HTR2B: variants seen among roughly 807,000 people sequenced by gnomAD.
HTR2B encodes the protein 5-HT 2B receptor.
HTR2B carries 31 observed loss-of-function variants against 39.8 expected under a neutral mutation model. The ratio of observed to expected loss-of-function variants is 0.78; its 90% confidence interval spans 0.58 to 1.05. HTR2B has a LOEUF of 1.05. Ranked by LOEUF, HTR2B falls within the 50% of genes least tolerant of loss-of-function variation. The probability of loss-of-function intolerance (pLI) is 0.00; values close to 1 mark genes in which losing one functional copy is unlikely to be tolerated. For missense variants in HTR2B, 562 were observed against 578.0 expected, an observed-to-expected ratio of 0.97 and a Z score of 0.28; for synonymous variants, 210 against 207.1, an observed-to-expected ratio of 1.01 and a Z score of -0.12.
chr2:231,123,327 AAAAGT>A, intron 2 of HTR2B, 81 bp downstream of exon 2: 1 of 998,836 alleles, frequency 1.0e-6, no homozygotes, highest in Non-Finnish European at 1.6e-6. Flanking sequence ...TTATTTCAAG[AAAAGT>A]AAAGATTAAA....
Position 231,109,358 on chromosome 2 carries a change from G to T in HTR2B, c.605C>A (p.Pro202Gln), listed in dbSNP as rs1177241898. The change falls in exon 4 of 4, where the codon CCA becomes CAA. Residue 202 changes from proline to glutamine, a missense_variant. Pro to Gln is a moderately conservative substitution (Grantham distance 76). Coordinates refer to ENST00000258400, the MANE Select transcript of HTR2B (RefSeq NM_000867.5). The stretch of plus-strand genomic sequence containing the variant: ...TGTCAGCACACAAGTGATATTGTTT[G>T]GGTTGTCCACATCAGTCTCTATCCC... ...IKGIETDVDN[P>Q]NNITCVLTKE... 1.2e-6 allele frequency: 2 copies of T among 1,614,052 alleles called. No individual in the cohort carries two copies. The highest frequency in any genetic ancestry group is 1.7e-6 in the Non-Finnish European group (2 of 1,179,962).
chr2:231,113,061 G>C (rs1460244562), intron 3 of HTR2B, among the ~76,000 whole-genome samples: 1 of 152,118 alleles, frequency 6.6e-6, no homozygotes, highest in Non-Finnish European at 1.5e-5. Context: ...CTACCTGGGA[G>C]GCTGAGGTGG....
intron 1 of HTR2B, 67 bp from the exon 2 acceptor site, chr2:231,124,197 T>A (rs1222879899): frequency 1.1e-5 from 2 of 180,000 alleles, no homozygotes; most frequent in African/African-American, 4.8e-5. Flanking sequence ...CACTTGAACT[T>A]CATAGCCCTT....
intron 3 of HTR2B, 100 bp from the exon 4 acceptor site, chr2:231,109,509 G>T: frequency 3.9e-6 from 4 of 1,038,838 alleles, no homozygotes; most frequent in Middle Eastern, 2.1e-4. Context: ...ATGCTTGTTG[G>T]TGCATTATAA....
At chr2:231,122,137 TAGAA>T (rs1695566834) in intron 2 of HTR2B, among the ~76,000 whole-genome samples, 3 of 152,136 alleles carry the variant, frequency 2.0e-5, no homozygotes, top group South Asian at 2.1e-4. Context: ...AACAGGGAGA[TAGAA>T]AGACTGTTAA....
intron 2 of HTR2B, among the ~76,000 whole-genome samples, chr2:231,115,318 A>G (rs1208179918): frequency 6.6e-6 from 1 of 152,168 alleles, no homozygotes; most frequent in Non-Finnish European, 1.5e-5. Context: ...GGCACTTGAC[A>G]AAGTATCCAG....
chr2:231,122,187 C>T (rs935591582), intron 2 of HTR2B, among the ~76,000 whole-genome samples: 2 of 152,110 alleles, frequency 1.3e-5, no homozygotes, highest in African/African-American at 4.8e-5. Context: ...TAGAACTTTA[C>T]TCATTACTGC....
At chr2:231,117,760 C>G (rs932789875) in intron 2 of HTR2B, among the ~76,000 whole-genome samples, 9 of 152,094 alleles carry the variant, frequency 5.9e-5, no homozygotes, top group Non-Finnish European at 1.3e-4. Flanking sequence ...ATCTTGCAGT[C>G]ATCTGAAGGA....
At chr2:231,113,231 A>G (rs1007641489) in intron 3 of HTR2B, among the ~76,000 whole-genome samples, 1 of 152,174 alleles carries the variant, frequency 6.6e-6, no homozygotes, top group African/African-American at 2.4e-5. Flanking sequence ...ATCTGTACAC[A>G]TATGTACAGA....
At chr2:231,115,232 A>G (rs964579704) in intron 2 of HTR2B, among the ~76,000 whole-genome samples, 2 of 152,044 alleles carry the variant, frequency 1.3e-5, no homozygotes, top group Non-Finnish European at 2.9e-5. Flanking sequence ...GTTTTTAGAT[A>G]GATTTGGCTG....
At position 231,108,641 on chromosome 2, in the gene HTR2B, A is replaced by C. The variant is rs1695040557; in HGVS notation, c.1322T>G (p.Met441Arg). The C allele has an allele frequency of 6.2e-7, 1 of 1,614,000 alleles. No homozygotes were observed. The highest frequency in any genetic ancestry group is 1.7e-5 in the Admixed American group (1 of 60,000). ...HGIRNGINPA[M>R]YQSPMRLRSS... is the part of the protein sequence containing the mutation. Reference sequence around the variant, plus strand: ...TCGGAGCCTCATTGGACTCTGGTACATGGCAGGGTTAATCCCATTTCGAAT... The same window carrying C: ...TCGGAGCCTCATTGGACTCTGGTACCTGGCAGGGTTAATCCCATTTCGAAT... Residue 441 changes from methionine (M) to arginine (R), a missense_variant, in exon 4 of 4, where the codon ATG becomes AGG. Transcript: ENST00000258400.
At chr2:231,120,089 C>T (rs1318147522) in intron 2 of HTR2B, among the ~76,000 whole-genome samples, 1 of 151,690 alleles carries the variant, frequency 6.6e-6, no homozygotes, top group South Asian at 2.1e-4. Context: ...GTAGCTGGGA[C>T]TACAGGCGCG....
In HTR2B at chr2:231,113,787, T is replaced by C. The variant is rs1317963295; in HGVS notation, c.495A>G (p.Gln165=). The change falls in exon 3 of 4, where the codon CAA becomes CAG. Residue 165 remains glutamine, a synonymous_variant. Coordinates refer to ENST00000258400, the MANE Select transcript of HTR2B (RefSeq NM_000867.5). ...TGAATGCTGTAGCCCGTGAGTTATA[T>C]TGATTGGCCTGGATTGGCTTTTTGA... ...IAIKKPIQAN[Q]YNSRATAFIK... The C allele has an allele frequency of 2.5e-6, 4 of 1,614,168 alleles. No homozygotes were observed. In the South Asian group the frequency reaches 3.3e-5, roughly 13 times the overall value.
Position 231,113,897 on chromosome 2 carries a change from G to T in HTR2B, c.385C>A (p.Pro129Thr). ...AGAACGTCAAGAAATAACCAGGCAG[G>T]ACATAGAACAAGTGGGAGGGGCCAC... ...AMWPLPLVLC[P>T]AWLFLDVLFS... The change falls in exon 3 of 4, where the codon CCT (proline) becomes ACT (threonine). Residue 129 changes from proline (P) to threonine (T), a missense_variant. Physicochemically the swap from Pro to Thr is conservative, Grantham distance 38. Transcript: ENST00000258400. 1.2e-6 allele frequency: 2 copies of T among 1,614,090 alleles called. No individual in the cohort carries two copies. Among genetic ancestry groups the T allele is most frequent in the Non-Finnish European group, 1.7e-6 (2 of 1,179,990 alleles).
chr2:231,123,979 A>G lies in HTR2B; in HGVS notation c.-215T>C. The stretch of plus-strand genomic sequence containing the variant: ...TAGGTAAGATATCCAAGTATTTATT[A>G]TTTTCTAGAGGCTTAAATTTAGGAA... On this transcript the variant is annotated 5_prime_UTR_variant, in exon 2 of 4. Transcript: ENST00000258400. 1.9e-6 allele frequency: 1 copy of G among 537,776 alleles called. No homozygotes were observed. The highest frequency in any genetic ancestry group is 3.3e-6 in the Non-Finnish European group (1 of 300,112). 33.3% of individuals were successfully genotyped at this position (537,776 alleles called of 1,614,324 possible).
intron 2 of HTR2B, among the ~76,000 whole-genome samples, chr2:231,119,455 A>G (rs1224768007): frequency 6.6e-6 from 1 of 152,214 alleles, no homozygotes; most frequent in East Asian, 1.9e-4. Context: ...CCAACACGGG[A>G]GAACCAGGAT....
chr2:231,124,063 TTC>T lies in HTR2B; in HGVS notation c.-301_-300del, dbSNP rs539375848. On this transcript the variant is annotated 5_prime_UTR_variant, in exon 2 of 4. The change abolishes the stop of an existing upstream ORF in the 5' untranslated region. Coordinates refer to ENST00000258400, the MANE Select transcript of HTR2B (RefSeq NM_000867.5). The stretch of plus-strand genomic sequence containing the variant: ...AATAGGATATATATATATTTTTAGT[TTC>T]TCTCTCTCTCTTTTTCTGCCGTAGT... 6.1e-4 allele frequency: 190 copies of T among 312,004 alleles called. No individual in the cohort carries two copies. The highest frequency in any genetic ancestry group is 1.1e-3 in the Middle Eastern group (1 of 918). The allele number at this position is 312,004 out of a possible 1,614,324, so 19.3% of individuals were successfully genotyped here. A position where few individuals can be genotyped will look rare whatever the true frequency, so the allele number is the denominator to read the frequency against.
rs375739530 is a variant in HTR2B at position 231,109,058 on chromosome 2, A to G, written c.905T>C (p.Met302Thr). ...TTTCCCAATTGTGGATGTTCTTCGC[A>G]TAAGTGTTTCATCACCTGAGTTGGG... ...ALPNSGDETLMRRTSTIGKKS... is the reference protein window; with the variant it reads ...ALPNSGDETLTRRTSTIGKKS... The change falls in exon 4 of 4, where the codon ATG becomes ACG. Residue 302 changes from methionine (M) to threonine (T), a missense_variant. Transcript: ENST00000258400. 61 of 1,614,106 alleles carry G rather than the reference A, an allele frequency of 3.8e-5. No individual in the cohort carries two copies. Among genetic ancestry groups the G allele is most frequent in the Non-Finnish European group, 4.7e-5 (56 of 1,180,048 alleles).
At chr2:231,118,286 GA>G (rs1316318448) in intron 2 of HTR2B, among the ~76,000 whole-genome samples, 4 of 152,044 alleles carry the variant, frequency 2.6e-5, no homozygotes, top group Non-Finnish European at 5.9e-5. Flanking sequence ...ACTCAACCAT[GA>G]AAACACTCCT....
Sources: gnomAD v4.1 joint callset for allele counts (sites outside exome capture counted in the v4.1 genomes callset) on GRCh38, gnomAD v4.1.1 for gene constraint, MANE v1.5 for transcripts, NCBI Gene and HGNC (gene_info 2026-07-23, HGNC 2026-07-21) for gene names.